LPAR6: variants seen among roughly 807,000 people sequenced by gnomAD.
LPAR6 encodes G-protein coupled purinergic receptor P2Y5.
Under a neutral mutation model 22.0 loss-of-function variants are expected in LPAR6, and 17 were observed. The ratio of observed to expected loss-of-function variants is 0.77; its 90% CI spans 0.53 to 1.16. The LOEUF is 1.16. LPAR6 is among the 50% of genes most tolerant of loss of function. The pLI is 0.00. For missense variants in LPAR6, 384 were observed against 406.9 expected, an observed-to-expected ratio of 0.94 and a Z score of 0.48; for synonymous variants, 136 against 139.8, an observed-to-expected ratio of 0.97 and a Z score of 0.19.
chr13:48,400,717 C>T (rs116340625), intron 1 of LPAR6, among the ~76,000 whole-genome samples: 203 of 152,098 alleles, frequency 1.3e-3, no homozygotes, highest in African/African-American at 4.5e-3. Flanking sequence ...CTCAGGTTTC[C>T]TTGTATGTAA....
downstream of LPAR6, among the ~76,000 whole-genome samples, chr13:48,407,331 T>C (rs1413527240): frequency 6.6e-6 from 1 of 152,202 alleles, no homozygotes; most frequent in Non-Finnish European, 1.5e-5. Flanking sequence ...TTTAAGAGGT[T>C]ATTGTAGTAA....
intron 1 of LPAR6, among the ~76,000 whole-genome samples, chr13:48,400,060 C>G (rs1331813501): frequency 6.6e-6 from 1 of 152,080 alleles, no homozygotes; most frequent in Non-Finnish European, 1.5e-5. Context: ...AATCTAACAA[C>G]TCAGGAATGT....
intron 1 of LPAR6, among the ~76,000 whole-genome samples, chr13:48,390,044 G>C (rs1311813798): frequency 1.3e-5 from 2 of 152,148 alleles, no homozygotes; most frequent in East Asian, 3.9e-4. Context: ...GTTCTTGGGA[G>C]GCTGAACTGG....
At chr13:48,390,355 C>T (rs899478073) in intron 1 of LPAR6, among the ~76,000 whole-genome samples, 1 of 152,114 alleles carries the variant, frequency 6.6e-6, no homozygotes, top group Non-Finnish European at 1.5e-5. Flanking sequence ...GGAGACAGAA[C>T]ATTTCTGGGT....
At chr13:48,431,656 G>A (rs1169286773), upstream of LPAR6, among the ~76,000 whole-genome samples, 1 of 151,992 alleles carries the variant, frequency 6.6e-6, no homozygotes, top group Non-Finnish European at 1.5e-5. Flanking sequence ...TAGAAGATAC[G>A]AGCACTACTC....
At chr13:48,424,193 A>G (rs150918545) in intron 1 of LPAR6, 23 of 152,684 alleles carry the variant, frequency 1.5e-4, no homozygotes, top group East Asian at 1.3e-3. Context: ...TTGACAGAAT[A>G]TATTTATTTT....
exon 2 of LPAR6, chr13:48,389,756 C>G (rs1948597660): frequency 6.6e-6 from 1 of 152,312 alleles, no homozygotes. Flanking sequence ...ACTCAGCTCT[C>G]TTCCTCCCAT....
chr13:48,440,878 C>A (rs1477998063), intron 1 of LPAR6, among the ~76,000 whole-genome samples: 3 of 152,090 alleles, frequency 2.0e-5, no homozygotes, highest in African/African-American at 7.2e-5. Flanking sequence ...ATTTTAAACT[C>A]TCATCTGTAT....
intron 1 of LPAR6, among the ~76,000 whole-genome samples, chr13:48,395,210 A>G (rs1322909258): frequency 1.3e-5 from 2 of 152,194 alleles, no homozygotes; most frequent in East Asian, 3.9e-4. Flanking sequence ...AACATCAACA[A>G]AAAGGACGTC....
upstream of LPAR6, among the ~76,000 whole-genome samples, chr13:48,414,613 T>C (rs147417148): frequency 5.6e-3 from 846 of 152,266 alleles, 4 homozygotes; most frequent in Non-Finnish European, 8.2e-3. Context: ...TAAGAACAAT[T>C]TATTTTTTTC....
intron 1 of LPAR6, among the ~76,000 whole-genome samples, chr13:48,438,446 C>T (rs1187690782): frequency 6.6e-6 from 1 of 152,138 alleles, no homozygotes; most frequent in African/African-American, 2.4e-5. Flanking sequence ...GAAGTTTTCT[C>T]TAATGCTCCT....
At chr13:48,435,917 C>T (rs187562230) in intron 1 of LPAR6, among the ~76,000 whole-genome samples, 336 of 152,252 alleles carry the variant, frequency 2.2e-3, no homozygotes, top group African/African-American at 7.8e-3. Flanking sequence ...TTAATAATTG[C>T]ATTAAATGTC....
Position 48,411,794 on chromosome 13 carries a change from A to G in LPAR6, c.630T>C (p.Thr210=), listed in dbSNP as rs781463895. 3.1e-6 allele frequency: 5 copies of G among 1,612,726 alleles called. No homozygotes were observed. In the South Asian group the frequency reaches 5.5e-5, roughly 18 times the overall value. ...NVTCSSMVLK[T]LTKPVTLSRS... Reference sequence around the variant, plus strand: ...TACTTAATGTAACAGGTTTGGTTAAAGTTTTTAGCACCATACTAGAACAAG... The same window carrying G: ...TACTTAATGTAACAGGTTTGGTTAAGGTTTTTAGCACCATACTAGAACAAG... Residue 210 remains threonine, a synonymous_variant, in exon 1 of 1, where the codon ACT becomes ACC. Transcript: ENST00000620633.
In LPAR6 at chr13:48,441,751, TATATATATGGGTAAAGGGTACCAGTTAG is replaced by T. The variant is rs372992118; in HGVS notation, c.-1474+2774_-1474+2801del. 8.4e-3 allele frequency among the ~76,000 whole-genome samples: 1,282 copies of T among 152,278 alleles called. 15 individuals are homozygous for T. Among genetic ancestry groups the T allele is most frequent in the African/African-American group, 0.03 (1,239 of 41,566 alleles). On this transcript the variant is annotated intron_variant, in intron 1 of 6. Coordinates refer to the LPAR6 transcript ENST00000378434. The stretch of plus-strand genomic sequence containing the variant: ...TTGACACAATTTGCTATCATAGAAT[TATATATATGGGTAAAGGGTACCAGTTAG>T]ATTCCCATTGGCAAAAACCTGGTGA...
intron 1 of LPAR6, among the ~76,000 whole-genome samples, chr13:48,432,610 C>T (rs530922919): frequency 7.4e-4 from 113 of 152,154 alleles, no homozygotes; most frequent in African/African-American, 2.7e-3. Flanking sequence ...TGGTTAGCAT[C>T]CTGTTTACCT....
chr13:48,422,328 G>A (rs1949018550), intron 2 of LPAR6, among the ~76,000 whole-genome samples: 1 of 152,130 alleles, frequency 6.6e-6, no homozygotes, highest in Non-Finnish European at 1.5e-5. Flanking sequence ...GAGAACACAT[G>A]GACACAGGGA....
chr13:48,426,898 C>G (rs1949087730), exon 1 of LPAR6: 6 of 152,294 alleles, frequency 3.9e-5, no homozygotes, highest in Admixed American at 3.3e-4. Context: ...ATCAGCTTCT[C>G]CTCAGCTTCT....
At chr13:48,425,000 C>T (rs976852317) in intron 1 of LPAR6, among the ~76,000 whole-genome samples, 21 of 151,796 alleles carry the variant, frequency 1.4e-4, no homozygotes, top group Non-Finnish European at 1.2e-4. Context: ...GTTGCAGTGA[C>T]GGAGATCATG....
chr13:48,437,158 T>C (rs1254359028), intron 1 of LPAR6, among the ~76,000 whole-genome samples: 1 of 152,160 alleles, frequency 6.6e-6, no homozygotes, highest in East Asian at 1.9e-4. Flanking sequence ...TTGCTGACAG[T>C]GAGAGCCTGG....
Sources: allele counts gnomAD v4.1 joint callset (sites outside exome capture counted in the v4.1 genomes callset), GRCh38; gene constraint gnomAD v4.1.1; transcripts MANE v1.5; gene names NCBI Gene and HGNC (gene_info 2026-07-23, HGNC 2026-07-21).